Variants in MEF2C observed in about 807,000 individuals in gnomAD.
MEF2C encodes the protein myocyte-specific enhancer factor 2C.
Under a neutral mutation model 50.5 loss-of-function variants are expected in MEF2C, and 6 were observed. The ratio of observed to expected loss-of-function variants is 0.12; its 90% CI spans 0.07 to 0.23. The LOEUF is 0.23. MEF2C is among the 10% of genes least tolerant of loss of function. MEF2C has a pLI of 1.00. For missense variants in MEF2C, 276 were observed against 605.0 expected, an observed-to-expected ratio of 0.46 and a Z score of 5.70; for synonymous variants, 183 against 228.0, an observed-to-expected ratio of 0.80 and a Z score of 1.78.
chr5:88,845,576 C>T lies in MEF2C; in HGVS notation c.-142-21646G>A, dbSNP rs190252656. ...TTTCCATTCATTTACCTGAATCTTA[C>T]GCATCACAGTTCCCTTCCTGTGTGA... is the stretch of plus-strand genomic sequence containing the variant. On this transcript the variant is annotated intron_variant, in intron 1 of 10. Coordinates refer to ENST00000504921, the MANE Select transcript of MEF2C (RefSeq NM_002397.5). 2.0e-4 allele frequency among the ~76,000 whole-genome samples: 31 copies of T among 152,250 alleles called. No homozygotes were observed. In the East Asian group the frequency reaches 4.6e-3, roughly 23 times the overall value.
intron 1 of MEF2C, among the ~76,000 whole-genome samples, chr5:88,826,710 A>G (rs1247325621): frequency 6.6e-6 from 1 of 151,970 alleles, no homozygotes; most frequent in Non-Finnish European, 1.5e-5. Context: ...AATCTGTAAA[A>G]CTGTTTTGTG....
chr5:88,836,321 C>G (rs1034086092), intron 1 of MEF2C, among the ~76,000 whole-genome samples: 2 of 151,854 alleles, frequency 1.3e-5, no homozygotes, highest in East Asian at 3.9e-4. Context: ...GCATTCTCAC[C>G]TCCCTCCCTG....
chr5:88,889,763 G>T (rs1834334662), intron 1 of MEF2C, among the ~76,000 whole-genome samples: 1 of 152,162 alleles, frequency 6.6e-6, no homozygotes, highest in Non-Finnish European at 1.5e-5. Flanking sequence ...AACGGGCGGT[G>T]GCAGTGCCGG....
intron 3 of MEF2C, among the ~76,000 whole-genome samples, chr5:88,795,188 A>G (rs1392740742): frequency 1.3e-5 from 2 of 152,216 alleles, no homozygotes; most frequent in Middle Eastern, 3.4e-3. Flanking sequence ...AAGAAAGTCA[A>G]TGGTAGCTTG....
At chr5:88,736,061 A>G in intron 6 of MEF2C, 3 of 985,384 alleles carry the variant, frequency 3.0e-6, no homozygotes, top group Non-Finnish European at 3.6e-6. Context: ...CCAAACTGTC[A>G]TCTTCTATTA....
chr5:88,900,441 G>A (rs1835535452), intron 1 of MEF2C, among the ~76,000 whole-genome samples: 1 of 150,256 alleles, frequency 6.7e-6, no homozygotes, highest in Non-Finnish European at 1.5e-5. Context: ...TTATATTTTT[G>A]ATTTCTACAT....
intron 3 of MEF2C, among the ~76,000 whole-genome samples, chr5:88,765,072 G>A (rs1779459515): frequency 6.6e-6 from 1 of 152,130 alleles, no homozygotes; most frequent in Non-Finnish European, 1.5e-5. Flanking sequence ...GGAAATGGCA[G>A]TGATGAGAAG....
At chr5:88,745,192 G>A (rs1768800325) in intron 6 of MEF2C, among the ~76,000 whole-genome samples, 1 of 152,234 alleles carries the variant, frequency 6.6e-6, no homozygotes, top group African/African-American at 2.4e-5. Flanking sequence ...ACGCTTAGGT[G>A]TTAAACTGGG....
chr5:88,852,871 C>T (rs994893568), intron 1 of MEF2C, among the ~76,000 whole-genome samples: 6 of 151,708 alleles, frequency 4.0e-5, no homozygotes, highest in Admixed American at 6.6e-5. Context: ...GCTGAAATAG[C>T]GCCACTGCGC....
At chr5:88,789,171 C>CTT (rs370986981) in intron 3 of MEF2C, among the ~76,000 whole-genome samples, 1 of 144,736 alleles carries the variant, frequency 6.9e-6, no homozygotes, top group Non-Finnish European at 1.5e-5. Flanking sequence ...TTTTGTAATA[C>CTT]TTTTTTTTTT....
intron 1 of MEF2C, among the ~76,000 whole-genome samples, chr5:88,896,214 G>A (rs937688575): frequency 6.6e-5 from 10 of 152,168 alleles, no homozygotes; most frequent in Non-Finnish European, 1.2e-4. Context: ...TTAAAAAATT[G>A]TACATTGCAT....
At chr5:88,877,669 C>T (rs1831474557) in intron 1 of MEF2C, among the ~76,000 whole-genome samples, 2 of 151,956 alleles carry the variant, frequency 1.3e-5, no homozygotes, top group East Asian at 1.9e-4. Context: ...TTTTGTTATG[C>T]CTCAATATTG....
At chr5:88,772,631 T>C (rs1368882003) in intron 3 of MEF2C, 2 of 658,346 alleles carry the variant, frequency 3.0e-6, no homozygotes, top group Non-Finnish European at 3.8e-6. Context: ...GGACCAATTC[T>C]GGATTGTGAA....
chr5:88,739,163 A>C, intron 6 of MEF2C: 1 of 979,296 alleles, frequency 1.0e-6, no homozygotes, highest in Non-Finnish European at 1.2e-6. Context: ...TTACCCGGGA[A>C]ATAACTTCTA....
intron 10 of MEF2C, among the ~76,000 whole-genome samples, chr5:88,724,849 T>C (rs1373242772): frequency 4.6e-5 from 7 of 152,148 alleles, no homozygotes; most frequent in African/African-American, 1.4e-4. Context: ...ACCATTTCAC[T>C]AAAATTTAAT....
chr5:88,870,966 A>C (rs1051570964), intron 1 of MEF2C, among the ~76,000 whole-genome samples: 1 of 152,120 alleles, frequency 6.6e-6, no homozygotes. Flanking sequence ...GCTTGTGCTC[A>C]AGAGTGCTAC....
chr5:88,860,104 C>T (rs1824976412), intron 1 of MEF2C, among the ~76,000 whole-genome samples: 1 of 152,048 alleles, frequency 6.6e-6, no homozygotes, highest in Non-Finnish European at 1.5e-5. Flanking sequence ...GCCTGTGAAA[C>T]CCTATGTTTC....
intron 1 of MEF2C, among the ~76,000 whole-genome samples, chr5:88,896,944 T>C (rs1195264381): frequency 6.6e-6 from 1 of 150,492 alleles, no homozygotes; most frequent in East Asian, 2.0e-4. Flanking sequence ...TCAGTAAAGC[T>C]ACACACACAC....
chr5:88,898,545 T>C (rs934935849), intron 1 of MEF2C, among the ~76,000 whole-genome samples: 4 of 152,156 alleles, frequency 2.6e-5, no homozygotes, highest in Non-Finnish European at 5.9e-5. Flanking sequence ...GTGGCTTCTC[T>C]GTAAAGAGAT....
Sources: allele counts gnomAD v4.1 joint callset (sites outside exome capture counted in the v4.1 genomes callset), GRCh38; gene constraint gnomAD v4.1.1; transcripts MANE v1.5; gene names NCBI Gene and HGNC (gene_info 2026-07-23, HGNC 2026-07-21).